Variants in COL22A1 observed in about 807,000 individuals in gnomAD.
COL22A1 encodes the protein collagen alpha-1(XXII) chain.
COL22A1 carries 221 observed loss-of-function variants against 248.9 expected under a neutral mutation model. The ratio of observed to expected loss-of-function variants is 0.89; its 90% CI spans 0.80 to 0.99. The LOEUF (loss-of-function observed/expected upper bound fraction) is 0.99. COL22A1 is among the 50% of genes least tolerant of loss of function. COL22A1 has a pLI of 0.00. For missense variants in COL22A1, 2,240 were observed against 2,179.0 expected (o/e 1.03, Z -0.56); for synonymous variants, 891 against 793.4 (o/e 1.12, Z -2.07).
At chr8:138,771,036 G>A (rs773471853) in intron 16 of COL22A1, among the ~76,000 whole-genome samples, 64 of 152,350 alleles carry the variant, frequency 4.2e-4, no homozygotes, top group Non-Finnish European at 8.4e-4. Flanking sequence ...GGACTTGCAG[G>A]TTAAATAATT....
intron 3 of COL22A1, among the ~76,000 whole-genome samples, chr8:138,865,141 A>G (rs1195008080): frequency 6.6e-6 from 1 of 152,246 alleles, no homozygotes; most frequent in African/African-American, 2.4e-5. Flanking sequence ...ATTTCCCAAG[A>G]GTAGACAGAC....
At chr8:138,840,043 C>T (rs1468793661) in intron 4 of COL22A1, among the ~76,000 whole-genome samples, 2 of 152,126 alleles carry the variant, frequency 1.3e-5, no homozygotes, top group African/African-American at 4.8e-5. Context: ...TCCTCGTGCT[C>T]CCAGACCCAG....
chr8:138,867,616 A>G (rs1315695690), intron 3 of COL22A1, among the ~76,000 whole-genome samples: 1 of 152,188 alleles, frequency 6.6e-6, no homozygotes, highest in African/African-American at 2.4e-5. Flanking sequence ...AGCCCCGCTG[A>G]CATGAGACCA....
chr8:138,796,389 C>CTTTTTTTTTTTTTTTTTTTT (rs11284610), intron 12 of COL22A1, among the ~76,000 whole-genome samples: 7 of 26,312 alleles, frequency 2.7e-4, no homozygotes, highest in Admixed American at 3.9e-4. Context: ...TGCTACTTTC[C>CTTTTTTTTTTTTTTTTTTTT]TTTTTTTTTT....
intron 12 of COL22A1, among the ~76,000 whole-genome samples, chr8:138,783,277 G>A (rs1432997829): frequency 2.0e-5 from 3 of 152,038 alleles, no homozygotes; most frequent in Non-Finnish European, 2.9e-5. Context: ...GTTTTCTAGA[G>A]GGACAGAACA....
intron 41 of COL22A1, among the ~76,000 whole-genome samples, chr8:138,674,836 G>A (rs181737514): frequency 6.6e-6 from 1 of 152,242 alleles, no homozygotes; most frequent in Non-Finnish European, 1.5e-5. Context: ...TCCAGCAGAA[G>A]GGGCCCTATT....
At chr8:138,725,752 GACACACACACAC>G (rs66497386) in intron 23 of COL22A1, among the ~76,000 whole-genome samples, 11,179 of 148,626 alleles carry the variant, frequency 0.075, 1,024 homozygotes, top group African/African-American at 0.22. Flanking sequence ...CACATGTGCA[GACACACACACAC>G]ACACACACAC....
intron 10 of COL22A1, among the ~76,000 whole-genome samples, chr8:138,804,733 G>T (rs976036299): frequency 1.3e-5 from 2 of 150,572 alleles, no homozygotes; most frequent in African/African-American, 4.9e-5. Flanking sequence ...TGTGATGAGG[G>T]GTGTGTATGT....
intron 4 of COL22A1, among the ~76,000 whole-genome samples, chr8:138,837,227 C>T (rs1820507045): frequency 6.6e-6 from 1 of 152,178 alleles, no homozygotes; most frequent in Admixed American, 6.5e-5. Flanking sequence ...AGCTCTGCCA[C>T]CACCCCAGAG....
intron 3 of COL22A1, among the ~76,000 whole-genome samples, chr8:138,857,169 C>T (rs1822097549): frequency 6.6e-6 from 1 of 152,074 alleles, no homozygotes; most frequent in East Asian, 1.9e-4. Context: ...ACCCCATGCC[C>T]ACCTCCAGCT....
At chr8:138,776,980 G>A (rs1356639641) in intron 15 of COL22A1, among the ~76,000 whole-genome samples, 1 of 152,176 alleles carries the variant, frequency 6.6e-6, no homozygotes, top group Non-Finnish European at 1.5e-5. Flanking sequence ...ACACGGTGAG[G>A]CACTGGGGCC....
chr8:138,746,577 A>G (rs1832131134), intron 22 of COL22A1, among the ~76,000 whole-genome samples: 1 of 152,138 alleles, frequency 6.6e-6, no homozygotes, highest in African/African-American at 2.4e-5. Flanking sequence ...ACCTTTGATG[A>G]CTGAAAGGCC....
At chr8:138,731,349 G>A (rs1387028228) in intron 23 of COL22A1, among the ~76,000 whole-genome samples, 1 of 152,114 alleles carries the variant, frequency 6.6e-6, no homozygotes, top group Non-Finnish European at 1.5e-5. Context: ...GCAGCCAATG[G>A]TAGGAGGAAA....
chr8:138,686,135 A>G (rs1388201674), intron 37 of COL22A1, among the ~76,000 whole-genome samples: 2 of 152,162 alleles, frequency 1.3e-5, no homozygotes, highest in African/African-American at 4.8e-5. Flanking sequence ...TGTAGATACA[A>G]TCCAATCCCT....
intron 45 of COL22A1, 44 bp from the exon 46 acceptor site, chr8:138,649,822 CA>C (rs1564143269): frequency 8.0e-7 from 1 of 1,246,962 alleles, no homozygotes; most frequent in South Asian, 1.5e-5. Context: ...GAATAACTAG[CA>C]AATACAGTTT....
chr8:138,731,308 A>C (rs930168617), intron 23 of COL22A1, among the ~76,000 whole-genome samples: 7 of 152,176 alleles, frequency 4.6e-5, no homozygotes, highest in African/African-American at 1.2e-4. Flanking sequence ...TCTCAAAAAA[A>C]ATAAATAAAG....
At chr8:138,631,090 G>A (rs979346323) in intron 49 of COL22A1, among the ~76,000 whole-genome samples, 3 of 152,150 alleles carry the variant, frequency 2.0e-5, no homozygotes, top group Admixed American at 2.0e-4. Context: ...TCTATGATGG[G>A]AAGTTCCCTG....
At chr8:138,673,738 G>C (rs1180764431) in intron 41 of COL22A1, among the ~76,000 whole-genome samples, 1 of 152,076 alleles carries the variant, frequency 6.6e-6, no homozygotes, top group Non-Finnish European at 1.5e-5. Context: ...TGTCTACCTG[G>C]AAAACAGTGA....
chr8:138,852,502 C>T lies in COL22A1; in HGVS notation c.659-8344G>A, dbSNP rs1010892115. Among the ~76,000 whole-genome samples, 3 of 152,250 alleles carry T rather than the reference C, an allele frequency of 2.0e-5. No individual in the cohort carries two copies. In the East Asian group the frequency reaches 5.8e-4, roughly 29 times the overall value. ...CCATCTGAGATGTCCTATGGGTGCT[C>T]AGCAAGCATCTGGATCTGTAAGCTC... On this transcript the variant is annotated intron_variant, in intron 3 of 64. Coordinates refer to ENST00000303045, the MANE Select transcript of COL22A1 (RefSeq NM_152888.3).
Sources: gnomAD v4.1 joint callset for allele counts (sites outside exome capture counted in the v4.1 genomes callset) on GRCh38, gnomAD v4.1.1 for gene constraint, MANE v1.5 for transcripts, NCBI Gene and HGNC (gene_info 2026-07-23, HGNC 2026-07-21) for gene names.